The following WDPCP variants were observed in gnomAD, a reference collection of about 807,000 sequenced individuals.
The protein encoded by WDPCP is WD repeat-containing and planar cell polarity effector protein fritz homolog.
In WDPCP, 71 loss-of-function variants were observed where a neutral mutation model predicts 93.1. That is an observed-to-expected ratio of 0.76 (90% CI 0.63 to 0.93). The LOEUF (loss-of-function observed/expected upper bound fraction) is 0.93, where lower values mean the gene tolerates loss of function less well. WDPCP is among the 40% of genes least tolerant of loss of function. WDPCP has a pLI of 0.00. For synonymous variants in WDPCP, 315 were observed against 315.0 expected (o/e 1.00, Z 0.00); for missense variants, 844 against 887.4 (o/e 0.95, Z 0.62).
At position 63,404,704 on chromosome 2, in the gene WDPCP, T is replaced by A. The variant is rs369929864; in HGVS notation, c.826-47A>T. The A allele has an allele frequency of 1.6e-5, 26 of 1,609,252 alleles. No individual in the cohort carries two copies. In the African/African-American group the frequency reaches 2.7e-4, roughly 17 times the overall value. On this transcript the variant is annotated intron_variant, in intron 9 of 17. Coordinates refer to ENST00000272321, the MANE Select transcript of WDPCP (RefSeq NM_015910.7). ...ACATTCAGATAAACTTTGGTTTTTC[T>A]TCAACTTCACACCTAGGACTGCATA...
At chr2:63,254,019 G>GTATA (rs1374052331) in intron 14 of WDPCP, among the ~76,000 whole-genome samples, 1 of 152,064 alleles carries the variant, frequency 6.6e-6, no homozygotes, top group East Asian at 1.9e-4. Context: ...AGAAAATGTA[G>GTATA]TATATATACA....
chr2:63,401,042 C>T (rs1393381364), intron 10 of WDPCP, among the ~76,000 whole-genome samples: 3 of 152,042 alleles, frequency 2.0e-5, no homozygotes, highest in South Asian at 2.1e-4. Flanking sequence ...CATAAAAACC[C>T]GAGAAGAAAA....
intron 2 of WDPCP, among the ~76,000 whole-genome samples, chr2:63,809,321 C>T (rs1463529848): frequency 4.6e-5 from 7 of 151,302 alleles, no homozygotes; most frequent in South Asian, 2.1e-4. Context: ...CCAGCCGCCC[C>T]GTCCGGGAGG....
chr2:63,405,086 C>A (rs1245028107), intron 9 of WDPCP, among the ~76,000 whole-genome samples: 1 of 152,114 alleles, frequency 6.6e-6, no homozygotes. Flanking sequence ...CAAAGTTGGA[C>A]TTTAAATGAT....
chr2:63,684,553 A>T (rs1668779016), intron 2 of WDPCP: 3 of 714,256 alleles, frequency 4.2e-6, no homozygotes, highest in Admixed American at 3.6e-5. Context: ...TAATGCCCAC[A>T]AGGTACTCTG....
At chr2:63,251,392 C>A (rs1041677831) in intron 14 of WDPCP, among the ~76,000 whole-genome samples, 1 of 151,200 alleles carries the variant, frequency 6.6e-6, no homozygotes, top group Non-Finnish European at 1.5e-5. Flanking sequence ...TTCCTGGAAA[C>A]ACACAACCTC....
chr2:63,729,907 A>T (rs115765520), intron 2 of WDPCP, among the ~76,000 whole-genome samples: 1 of 152,272 alleles, frequency 6.6e-6, no homozygotes, highest in African/African-American at 2.4e-5. Context: ...ATAATGCTGA[A>T]ATTCATCAAA....
intron 13 of WDPCP, among the ~76,000 whole-genome samples, chr2:63,270,219 T>C (rs1682515461): frequency 6.6e-6 from 1 of 152,206 alleles, no homozygotes; most frequent in Non-Finnish European, 1.5e-5. Flanking sequence ...AGTGAAAATA[T>C]ATGGAAAGAA....
At position 63,152,916 on chromosome 2, in the gene WDPCP, G is replaced by C; in HGVS notation, c.2188C>G (p.Gln730Glu). Reference sequence around the variant, plus strand: ...AATAAACAGAGAAAGTGTTTTACCTGTTCTCTGCCGTCTTCTCTCAGTTCT... The same window carrying C: ...AATAAACAGAGAAAGTGTTTTACCTCTTCTCTGCCGTCTTCTCTCAGTTCT... ...DGELREDGRE[Q>E]EIRDGGSLKM... Residue 730 changes from glutamine (Q) to glutamate (E), a missense_variant and splice_region_variant, in exon 17 of 18, where the codon CAG (glutamine) becomes GAG (glutamate). Physicochemically the swap from Gln to Glu is conservative, Grantham distance 29. Coordinates refer to ENST00000272321, the MANE Select transcript of WDPCP (RefSeq NM_015910.7). The C allele has an allele frequency of 6.2e-7, 1 of 1,611,294 alleles. No homozygotes were observed. Among genetic ancestry groups the C allele is most frequent in the African/African-American group, 1.3e-5 (1 of 74,962 alleles).
intron 11 of WDPCP, among the ~76,000 whole-genome samples, chr2:63,379,033 C>T (rs768651187): frequency 6.6e-6 from 1 of 152,020 alleles, no homozygotes; most frequent in Non-Finnish European, 1.5e-5. Flanking sequence ...CTAAGTCCTG[C>T]CCTAAACAGC....
chr2:63,823,440 T>A (rs969654686), intron 1 of WDPCP, among the ~76,000 whole-genome samples: 10 of 151,960 alleles, frequency 6.6e-5, no homozygotes, highest in African/African-American at 2.4e-4. Context: ...GAGGCAGGGG[T>A]TGTAGTCAGC....
chr2:63,434,294 G>A (rs576865424), intron 8 of WDPCP, among the ~76,000 whole-genome samples: 2 of 152,270 alleles, frequency 1.3e-5, no homozygotes, highest in Admixed American at 1.3e-4. Flanking sequence ...GTTCAGTACT[G>A]CTGACCAAGA....
At chr2:63,526,055 CTGTGTGTGTGTG>C (rs34946446) in intron 1 of WDPCP, among the ~76,000 whole-genome samples, 27 of 148,750 alleles carry the variant, frequency 1.8e-4, no homozygotes, top group Non-Finnish European at 2.1e-4. Context: ...GCTGTTGCTA[CTGTGTGTGTGTG>C]TGTGTGTGTG....
At chr2:63,706,223 C>A in intron 2 of WDPCP, among the ~76,000 whole-genome samples, 1 of 152,200 alleles carries the variant, frequency 6.6e-6, no homozygotes, top group East Asian at 1.9e-4. Context: ...CTGAATACAG[C>A]ACACTGATGG....
chr2:63,755,971 T>A (rs1553454553), intron 2 of WDPCP, among the ~76,000 whole-genome samples: 1 of 152,238 alleles, frequency 6.6e-6, no homozygotes, highest in Non-Finnish European at 1.5e-5. Flanking sequence ...ATTAAAACAG[T>A]AAAATCTCAG....
upstream of WDPCP, among the ~76,000 whole-genome samples, chr2:63,828,462 ATATC>A (rs993417513): frequency 1.3e-5 from 2 of 152,148 alleles, no homozygotes; most frequent in African/African-American, 4.8e-5. Context: ...CCAAGAATAT[ATATC>A]TATGTGGGGA....
At chr2:63,146,516 C>T (rs1219402571) in intron 17 of WDPCP, among the ~76,000 whole-genome samples, 2 of 150,660 alleles carry the variant, frequency 1.3e-5, no homozygotes. Flanking sequence ...GTAGCTGGGA[C>T]TACAGGCACA....
At chr2:63,219,454 A>T (rs1371421756) in intron 14 of WDPCP, among the ~76,000 whole-genome samples, 1 of 152,210 alleles carries the variant, frequency 6.6e-6, no homozygotes, top group East Asian at 1.9e-4. Flanking sequence ...CAACCATATC[A>T]GTGTTTGAAA....
chr2:63,650,276 T>C (rs1351515920), intron 3 of WDPCP, among the ~76,000 whole-genome samples: 1 of 152,212 alleles, frequency 6.6e-6, no homozygotes, highest in Non-Finnish European at 1.5e-5. Flanking sequence ...TGACTCAAAC[T>C]CAGGACACTG....
Sources: gnomAD v4.1 joint callset for allele counts (sites outside exome capture counted in the v4.1 genomes callset) on GRCh38, gnomAD v4.1.1 for gene constraint, MANE v1.5 for transcripts, NCBI Gene and HGNC (gene_info 2026-07-23, HGNC 2026-07-21) for gene names.